DSCAM: variants seen among roughly 807,000 people sequenced by gnomAD.
The protein encoded by DSCAM is cell adhesion molecule DSCAM.
A neutral mutation model predicts 217.7 loss-of-function variants in DSCAM; 47 were observed. That is an observed-to-expected ratio of 0.22 (90% CI 0.17 to 0.28). DSCAM has a LOEUF of 0.28. Ranked by LOEUF, DSCAM falls within the 10% of genes least tolerant of loss-of-function variation. The pLI is 1.00. For missense variants in DSCAM, 2,080 were observed against 2,618.3 expected (o/e 0.79, Z 4.49); for synonymous variants, 1,056 against 1,015.3 (o/e 1.04, Z -0.76).
At chr21:40,668,461 G>C (rs2090229614) in intron 3 of DSCAM, among the ~76,000 whole-genome samples, 1 of 152,180 alleles carries the variant, frequency 6.6e-6, no homozygotes, top group East Asian at 1.9e-4. Flanking sequence ...AAGGGCATTG[G>C]TATTTGTAAA....
At chr21:40,327,673 C>T (rs1375661516) in intron 8 of DSCAM, among the ~76,000 whole-genome samples, 3 of 151,738 alleles carry the variant, frequency 2.0e-5, no homozygotes, top group Non-Finnish European at 4.4e-5. Context: ...ACAATGTTAG[C>T]TGTAGGTTTG....
intron 32 of DSCAM, among the ~76,000 whole-genome samples, chr21:40,018,468 C>A (rs879535842): frequency 1.3e-5 from 2 of 152,140 alleles, no homozygotes. Flanking sequence ...ATGCCTCATG[C>A]TCTTTCTGAG....
At chr21:40,366,222 T>C (rs781227772) in intron 4 of DSCAM, among the ~76,000 whole-genome samples, 4 of 152,192 alleles carry the variant, frequency 2.6e-5, no homozygotes, top group African/African-American at 9.6e-5. Context: ...AATTAGTGTT[T>C]TATTATTAAT....
At chr21:40,204,310 T>A (rs1187713272) in intron 11 of DSCAM, among the ~76,000 whole-genome samples, 1 of 152,224 alleles carries the variant, frequency 6.6e-6, no homozygotes, top group African/African-American at 2.4e-5. Context: ...TGCGTGGATG[T>A]GGATGTGTGT....
intron 1 of DSCAM, among the ~76,000 whole-genome samples, chr21:40,788,086 T>C (rs1224321178): frequency 2.0e-5 from 3 of 152,206 alleles, no homozygotes; most frequent in Admixed American, 6.5e-5. Context: ...AAACATGCTG[T>C]CCACTTTCCT....
intron 19 of DSCAM, among the ~76,000 whole-genome samples, chr21:40,132,201 T>C (rs369342555): frequency 2.2e-4 from 34 of 152,328 alleles, no homozygotes; most frequent in African/African-American, 7.9e-4. Context: ...TCCCACTCTG[T>C]GGCAAGCAGG....
chr21:40,323,575 C>T (rs758576929), intron 8 of DSCAM, among the ~76,000 whole-genome samples: 3 of 152,148 alleles, frequency 2.0e-5, no homozygotes, highest in Admixed American at 6.5e-5. Context: ...AAAATTGTTG[C>T]TCACTAACTT....
At chr21:40,780,409 G>GTATATATATATATA (rs2091528831) in intron 1 of DSCAM, among the ~76,000 whole-genome samples, 1 of 76,620 alleles carries the variant, frequency 1.3e-5, no homozygotes, top group South Asian at 5.8e-4. Context: ...GTGTGTGTGT[G>GTATATATATATATA]TGTGTGTGTG....
Position 40,536,751 on chromosome 21 carries a change from A to G in DSCAM, c.508+156059T>C, listed in dbSNP as rs2076502824. ...TCAGGGTGAAGATTTGGTCTTATTA[A>G]TTTTTGTAAGGACATAATATAACGG... On this transcript the variant is annotated intron_variant, in intron 3 of 32. Coordinates refer to ENST00000400454, the MANE Select transcript of DSCAM (RefSeq NM_001389.5). Among the ~76,000 whole-genome samples, 6 of 152,256 alleles carry G rather than the reference A, an allele frequency of 3.9e-5. No individual in the cohort carries two copies. The South Asian group carries it at 1.2e-3, about 32-fold the overall frequency.
rs1288852568 is a variant in DSCAM, at chr21:40,214,991, G to A, written c.2357-25753C>T. Among the ~76,000 whole-genome samples the A allele has an allele frequency of 1.9e-4, 6 of 32,058 alleles. 2 individuals are homozygous for A. The highest frequency in any genetic ancestry group is 5.0e-4 in the African/African-American group (6 of 11,988). 21.0% of individuals were successfully genotyped at this position (32,058 alleles called of 152,430 possible). A position where few individuals can be genotyped will look rare whatever the true frequency, so the allele number is the denominator to read the frequency against. ...TCCCAGCACTTTGGGAGGCCGAGGC[G>A]GGTGGATCACGAGGTCAGGAGATCG... On this transcript the variant is annotated intron_variant, in intron 11 of 32. Transcript: ENST00000400454.
chr21:40,285,959 G>A lies in DSCAM; in HGVS notation c.2183-9689C>T, dbSNP rs553393161. Reference sequence around the variant, plus strand: ...GAGCAGGGGATCACTGCTGCTTCAGGAAATGAAGGACATGGAAGAGGTCAA... The same window carrying A: ...GAGCAGGGGATCACTGCTGCTTCAGAAAATGAAGGACATGGAAGAGGTCAA... On this transcript the variant is annotated intron_variant, in intron 10 of 32. Coordinates refer to ENST00000400454, the MANE Select transcript of DSCAM (RefSeq NM_001389.5). 5.1e-4 allele frequency among the ~76,000 whole-genome samples: 78 copies of A among 152,258 alleles called. No individual in the cohort carries two copies. The South Asian group carries it at 5.2e-3, about 10-fold the overall frequency.
chr21:40,085,029 C>A (rs553211729), intron 23 of DSCAM, among the ~76,000 whole-genome samples: 1 of 152,274 alleles, frequency 6.6e-6, no homozygotes, highest in East Asian at 1.9e-4. Context: ...TGAACTCAAT[C>A]ACTTATTGAT....
intron 3 of DSCAM, among the ~76,000 whole-genome samples, chr21:40,376,333 T>C (rs1437501357): frequency 2.0e-5 from 3 of 151,416 alleles, no homozygotes; most frequent in East Asian, 3.9e-4. Context: ...TCTAAGTATA[T>C]AGCATTAGAA....
intron 3 of DSCAM, among the ~76,000 whole-genome samples, chr21:40,657,345 G>T (rs2090087712): frequency 6.6e-6 from 1 of 152,154 alleles, no homozygotes; most frequent in Non-Finnish European, 1.5e-5. Flanking sequence ...TAGCCCTTAA[G>T]ATGCAATTCT....
At chr21:40,811,255 A>G (rs1428179249) in intron 1 of DSCAM, among the ~76,000 whole-genome samples, 1 of 152,142 alleles carries the variant, frequency 6.6e-6, no homozygotes. Context: ...ATACAAACAG[A>G]CTTTTCGAGG....
chr21:40,734,480 A>G (rs1305529265), intron 1 of DSCAM, among the ~76,000 whole-genome samples: 1 of 152,252 alleles, frequency 6.6e-6, no homozygotes, highest in African/African-American at 2.4e-5. Flanking sequence ...TTTAAGAGAC[A>G]AAGGGGCCAG....
chr21:40,081,170 AAT>A (rs1480306538), intron 24 of DSCAM, among the ~76,000 whole-genome samples: 2 of 152,106 alleles, frequency 1.3e-5, no homozygotes, highest in Non-Finnish European at 2.9e-5. Context: ...TGAATGCTGA[AAT>A]ATTCTTCCTG....
intron 3 of DSCAM, among the ~76,000 whole-genome samples, chr21:40,627,714 G>A (rs1248554661): frequency 6.6e-6 from 1 of 152,190 alleles, no homozygotes; most frequent in Non-Finnish European, 1.5e-5. Context: ...CAGCACATCT[G>A]TTAGTAGATA....
chr21:40,739,785 T>G (rs926083954), intron 1 of DSCAM, among the ~76,000 whole-genome samples: 28 of 151,670 alleles, frequency 1.8e-4, no homozygotes, highest in Admixed American at 1.1e-3. Flanking sequence ...GAATTAGTTT[T>G]TTTTTTTTTT....
Sources: allele counts gnomAD v4.1 joint callset (sites outside exome capture counted in the v4.1 genomes callset), GRCh38; gene constraint gnomAD v4.1.1; transcripts MANE v1.5; gene names NCBI Gene and HGNC (gene_info 2026-07-23, HGNC 2026-07-21).